Variants in OPCML observed in about 807,000 individuals in gnomAD.
The protein encoded by OPCML is opioid-binding protein/cell adhesion molecule.
In OPCML, 13 loss-of-function variants were observed where a neutral mutation model predicts 37.8. That is an observed-to-expected ratio of 0.34 (90% CI 0.22 to 0.55). The LOEUF is 0.55. OPCML is among the 20% of genes least tolerant of loss of function. OPCML has a pLI of 0.91. For missense variants in OPCML, 341 were observed against 435.6 expected (o/e 0.78, Z 1.93); for synonymous variants, 176 against 168.8 (o/e 1.04, Z -0.33).
rs114467474 is a variant in OPCML at position 133,053,896 on chromosome 11, C to T, written c.62-110886G>A. Reference sequence around the variant, plus strand: ...GCAACTTCACTTGGATGTCCAACAGCGCCCTTAAATATGCATAATGAGCAA... The same window carrying T: ...GCAACTTCACTTGGATGTCCAACAGTGCCCTTAAATATGCATAATGAGCAA... On this transcript the variant is annotated intron_variant, in intron 1 of 7. Coordinates refer to ENST00000524381, the MANE Select transcript of OPCML (RefSeq NM_001012393.5). 6.7e-3 allele frequency among the ~76,000 whole-genome samples: 1,019 copies of T among 152,300 alleles called. 10 individuals carry two copies. Among genetic ancestry groups the T allele is most frequent in the African/African-American group, 0.023 (947 of 41,558 alleles).
At chr11:132,641,673 G>A (rs1940857586) in intron 3 of OPCML, among the ~76,000 whole-genome samples, 1 of 152,208 alleles carries the variant, frequency 6.6e-6, no homozygotes, top group Admixed American at 6.5e-5. Context: ...GAAGGTGATT[G>A]ATTTGGTGTA....
chr11:132,928,495 A>G (rs1472847878), intron 2 of OPCML, among the ~76,000 whole-genome samples: 2 of 152,036 alleles, frequency 1.3e-5, no homozygotes, highest in East Asian at 1.9e-4. Context: ...ACAGAATTGA[A>G]TAGAGAAATT....
chr11:133,500,615 G>A (rs555377688), intron 1 of OPCML, among the ~76,000 whole-genome samples: 3 of 152,272 alleles, frequency 2.0e-5, no homozygotes, highest in Admixed American at 6.5e-5. Flanking sequence ...GAGACAAGGC[G>A]AGGTGCCCAC....
At chr11:133,433,570 T>C (rs1038285502) in intron 1 of OPCML, among the ~76,000 whole-genome samples, 6 of 152,314 alleles carry the variant, frequency 3.9e-5, no homozygotes, top group African/African-American at 1.4e-4. Flanking sequence ...TACCAAGGAT[T>C]TGAAGTCTTA....
rs1039863875 is a variant in OPCML at position 133,416,336 on chromosome 11, G to T, written c.61+115928C>A. Among the ~76,000 whole-genome samples, 2 of 152,058 alleles carry T rather than the reference G, an allele frequency of 1.3e-5. 1 individual carries two copies. The highest frequency in any genetic ancestry group is 4.1e-4 in the South Asian group (2 of 4,826). On this transcript the variant is annotated intron_variant, in intron 1 of 7. Coordinates refer to ENST00000524381, the MANE Select transcript of OPCML (RefSeq NM_001012393.5). The stretch of plus-strand genomic sequence containing the variant: ...AATTCTTTAATGGCTCAAACTTCTT[G>T]CAGAAATAAAGATGTCTGTATAACT...
At chr11:132,974,545 C>T (rs1946414072) in intron 1 of OPCML, among the ~76,000 whole-genome samples, 1 of 152,202 alleles carries the variant, frequency 6.6e-6, no homozygotes, top group South Asian at 2.1e-4. Flanking sequence ...CGCTTTTACA[C>T]TGTTGGTGGG....
At chr11:132,971,916 T>G (rs1289591336) in intron 1 of OPCML, among the ~76,000 whole-genome samples, 2 of 152,222 alleles carry the variant, frequency 1.3e-5, no homozygotes, top group Non-Finnish European at 2.9e-5. Flanking sequence ...CTTCAATTAC[T>G]TGTACATTAA....
Position 133,177,203 on chromosome 11 carries a change from CGT to C in OPCML, c.62-234195_62-234194del, listed in dbSNP as rs1565487712. Among the ~76,000 whole-genome samples, 1 of 152,202 alleles carries C rather than the reference CGT, an allele frequency of 6.6e-6. No homozygotes were observed. Among genetic ancestry groups the C allele is most frequent in the African/African-American group, 2.4e-5 (1 of 41,446 alleles). Reference sequence around the variant, plus strand: ...CTGTGAAGGGCTCAGGGCACAGCAACGTGTGTCTGTGTGCCTGTTGATAGCGT... The same window carrying C: ...CTGTGAAGGGCTCAGGGCACAGCAACGTGTCTGTGTGCCTGTTGATAGCGT... On this transcript the variant is annotated intron_variant, in intron 1 of 7. Transcript: ENST00000524381. The surrounding 1 kb of genome is among the most constrained non-coding windows in gnomAD (Gnocchi z 5.0).
chr11:132,881,413 G>A (rs886413190), intron 2 of OPCML, among the ~76,000 whole-genome samples: 4 of 152,132 alleles, frequency 2.6e-5, no homozygotes, highest in African/African-American at 4.8e-5. Context: ...CAGCCCCACT[G>A]CAGCTGAAGG....
intron 1 of OPCML, among the ~76,000 whole-genome samples, chr11:133,146,310 TTC>T (rs1949895542): frequency 7.0e-6 from 1 of 143,806 alleles, no homozygotes; most frequent in East Asian, 2.0e-4. Context: ...CTTCCATCTT[TTC>T]TTTTTTTTTT....
chr11:133,430,724 C>A (rs542481144), intron 1 of OPCML, among the ~76,000 whole-genome samples: 2 of 152,306 alleles, frequency 1.3e-5, no homozygotes, highest in South Asian at 4.1e-4. Context: ...AGACAAGAAG[C>A]AATGCCACTG....
intron 1 of OPCML, chr11:133,117,962 C>T (rs984796049): frequency 3.1e-6 from 3 of 981,832 alleles, no homozygotes; most frequent in Non-Finnish European, 3.6e-6. Context: ...TTCCCCCATC[C>T]TTGGGGAACT....
chr11:133,324,531 T>A lies in OPCML; in HGVS notation c.61+207733A>T, dbSNP rs191547832. On this transcript the variant is annotated intron_variant, in intron 1 of 7. Transcript: ENST00000524381. Reference sequence around the variant, plus strand: ...GGAATTCTGGGTCTGTATAAAACCATACTGCTGGGGAGGGAAGAAAATCCT... The same window carrying A: ...GGAATTCTGGGTCTGTATAAAACCAAACTGCTGGGGAGGGAAGAAAATCCT... Among the ~76,000 whole-genome samples the A allele has an allele frequency of 1.5e-3, 231 of 152,292 alleles. 6 individuals are homozygous for A. Among genetic ancestry groups the A allele is most frequent in the Middle Eastern group, 0.014 (4 of 294 alleles).
In OPCML at chr11:133,105,987, T is replaced by A. The variant is rs117491234; in HGVS notation, c.62-162977A>T. Among the ~76,000 whole-genome samples, 735 of 93,072 alleles carry A rather than the reference T, an allele frequency of 7.9e-3. 3 individuals carry two copies. Among genetic ancestry groups the A allele is most frequent in the Middle Eastern group, 0.036 (7 of 196 alleles). 61.1% of individuals were successfully genotyped at this position (93,072 alleles called of 152,430 possible). ...ACAGAGCAAGACTCCATCTTAAAAA[T>A]AAAAAAAAAAAGAAAAAAAGAATAC... On this transcript the variant is annotated intron_variant, in intron 1 of 7. Transcript: ENST00000524381.
intron 1 of OPCML, among the ~76,000 whole-genome samples, chr11:133,377,954 G>T (rs1408238731): frequency 6.6e-6 from 1 of 152,206 alleles, no homozygotes; most frequent in Non-Finnish European, 1.5e-5. Flanking sequence ...GGGTGAGTTA[G>T]TTTTTCTGCT....
intron 2 of OPCML, among the ~76,000 whole-genome samples, chr11:132,698,569 T>G (rs1943690239): frequency 6.6e-6 from 1 of 152,238 alleles, no homozygotes; most frequent in Non-Finnish European, 1.5e-5. Context: ...AAATATTTTC[T>G]CCCATTCTTT....
At chr11:132,812,784 A>C (rs374992527) in intron 2 of OPCML, among the ~76,000 whole-genome samples, 1 of 152,216 alleles carries the variant, frequency 6.6e-6, no homozygotes, top group African/African-American at 2.4e-5. Flanking sequence ...TTTTGTGTAT[A>C]TCTTCCTCAC....
intron 1 of OPCML, among the ~76,000 whole-genome samples, chr11:133,473,979 TA>T (rs1226764438): frequency 2.0e-5 from 3 of 152,218 alleles, no homozygotes; most frequent in Non-Finnish European, 2.9e-5. Flanking sequence ...TGGGCTGAGC[TA>T]AAAAGGGTTA....
rs188192430 is a variant in OPCML, at chr11:132,495,810, G to T, written c.505+33251C>A. Reference sequence around the variant, plus strand: ...CTCAGGAGGCTGAGGTGGGAGAATGGTGTGAACCCAGGAGGCAGAGCTTGC... The same window carrying T: ...CTCAGGAGGCTGAGGTGGGAGAATGTTGTGAACCCAGGAGGCAGAGCTTGC... On this transcript the variant is annotated intron_variant, in intron 4 of 7. Coordinates refer to ENST00000524381, the MANE Select transcript of OPCML (RefSeq NM_001012393.5). Among the ~76,000 whole-genome samples, 77 of 151,610 alleles carry T rather than the reference G, an allele frequency of 5.1e-4. 1 individual carries two copies. The highest frequency in any genetic ancestry group is 4.3e-3 in the Admixed American group (66 of 15,206).
Sources: allele counts gnomAD v4.1 joint callset (sites outside exome capture counted in the v4.1 genomes callset), GRCh38; gene constraint gnomAD v4.1.1; non-coding constraint Gnocchi (gnomAD v3.1); transcripts MANE v1.5; gene names NCBI Gene and HGNC (gene_info 2026-07-23, HGNC 2026-07-21).